The following SCG5 variants were observed in gnomAD, a reference collection of about 807,000 sequenced individuals.
SCG5 encodes neuroendocrine protein 7B2.
Under a neutral mutation model 25.7 loss-of-function variants are expected in SCG5, and 18 were observed. That is an observed-to-expected ratio of 0.70 (90% confidence interval 0.48 to 1.04). The LOEUF (loss-of-function observed/expected upper bound fraction) is 1.04, where lower values mean the gene tolerates loss of function less well. SCG5 is among the 50% of genes least tolerant of loss of function. The pLI, the probability that SCG5 is intolerant of heterozygous loss-of-function variation, is 0.00. For synonymous variants in SCG5, 101 were observed against 91.7 expected (o/e 1.10, Z -0.58); for missense variants, 206 against 259.8 (o/e 0.79, Z 1.42).
chr15:32,665,036 G>T (rs144876279), intron 2 of SCG5, among the ~76,000 whole-genome samples: 1 of 152,192 alleles, frequency 6.6e-6, no homozygotes, highest in South Asian at 2.1e-4. Flanking sequence ...AAATGCAGAT[G>T]TTGAGATGAG....
chr15:32,654,750 T>G (rs2054087859), intron 2 of SCG5, among the ~76,000 whole-genome samples: 1 of 152,164 alleles, frequency 6.6e-6, no homozygotes, highest in Non-Finnish European at 1.5e-5. Flanking sequence ...GCCTCGCTTT[T>G]TGTGTCTGTA....
At chr15:32,645,690 A>C (rs973745478) in intron 2 of SCG5, among the ~76,000 whole-genome samples, 3 of 152,180 alleles carry the variant, frequency 2.0e-5, no homozygotes, top group Non-Finnish European at 4.4e-5. Context: ...ATGGAGGTAC[A>C]ACTATTATGT....
chr15:32,662,236 G>T (rs62001852), intron 2 of SCG5, among the ~76,000 whole-genome samples: 16,089 of 152,140 alleles, frequency 0.11, 940 homozygotes, highest in Middle Eastern at 0.2. Flanking sequence ...GAATAATTGG[G>T]TCAAGCTCTG....
At chr15:32,679,660 C>A in intron 2 of SCG5, 106 bp from the exon 3 acceptor site, 1 of 1,235,304 alleles carries the variant, frequency 8.1e-7, no homozygotes, top group Non-Finnish European at 1.2e-6. Context: ...TTTTTCTCTC[C>A]CCACAGCAGA....
At chr15:32,659,879 TAAA>T (rs61314216) in intron 2 of SCG5, among the ~76,000 whole-genome samples, 1 of 145,708 alleles carries the variant, frequency 6.9e-6, no homozygotes, top group Non-Finnish European at 1.5e-5. Context: ...TGCTTTCCTT[TAAA>T]AAAAAAAAAA....
At chr15:32,656,514 G>A (rs1440133870) in intron 2 of SCG5, among the ~76,000 whole-genome samples, 1 of 152,230 alleles carries the variant, frequency 6.6e-6, no homozygotes, top group African/African-American at 2.4e-5. Context: ...CACCGCTTAA[G>A]CTTTACGAGT....
chr15:32,642,684 C>T (rs772163642), intron 1 of SCG5, among the ~76,000 whole-genome samples: 1 of 151,308 alleles, frequency 6.6e-6, no homozygotes, highest in East Asian at 1.9e-4. Flanking sequence ...ACTTGTTTTG[C>T]AGACATACCC....
intron 2 of SCG5, among the ~76,000 whole-genome samples, chr15:32,652,769 C>T (rs1403125308): frequency 6.6e-6 from 1 of 152,194 alleles, no homozygotes; most frequent in African/African-American, 2.4e-5. Flanking sequence ...CATTTATACA[C>T]CTCACTGATA....
chr15:32,690,032 G>T (rs922288508), intron 4 of SCG5, among the ~76,000 whole-genome samples: 12 of 152,010 alleles, frequency 7.9e-5, no homozygotes, highest in African/African-American at 2.4e-4. Context: ...TAGTAGAGAC[G>T]GGGTTTCACC....
intron 2 of SCG5, chr15:32,669,127 G>A (rs2054373520): frequency 6.6e-6 from 1 of 152,200 alleles, no homozygotes; most frequent in South Asian, 2.1e-4. Flanking sequence ...TCCTACAGGA[G>A]CAGAGTACTA....
intron 2 of SCG5, among the ~76,000 whole-genome samples, chr15:32,657,271 T>TTAAGTTTCC (rs1266078205): frequency 7.4e-6 from 1 of 136,010 alleles, no homozygotes. Flanking sequence ...TCTTTCAATC[T>TTAAGTTTCC]TAAGTTTCCT....
intron 2 of SCG5, among the ~76,000 whole-genome samples, chr15:32,645,070 T>C (rs557249778): frequency 7.2e-5 from 11 of 152,362 alleles, no homozygotes; most frequent in South Asian, 6.2e-4. Context: ...AGCACATGGC[T>C]TGAATTAGAA....
Position 32,643,621 on chromosome 15 carries a change from T to C in SCG5, c.29T>C (p.Leu10Pro). ...GTCTCCAGGATGGTCTCTACCATGCTATCTGGCCTACTGTTTTGGCTGGCA... is the reference window on the plus strand; with the variant it reads ...GTCTCCAGGATGGTCTCTACCATGCCATCTGGCCTACTGTTTTGGCTGGCA... MVSRMVSTM[L>P]SGLLFWLASG... is the part of the protein sequence containing the mutation. Residue 10 changes from leucine to proline, a missense_variant, in exon 2 of 6, where the codon CTA becomes CCA. Leu to Pro is a moderately conservative substitution (Grantham distance 98). Coordinates refer to ENST00000300175, the MANE Select transcript of SCG5 (RefSeq NM_001144757.3). 1 of 1,614,042 alleles carries C rather than the reference T, an allele frequency of 6.2e-7. No individual in the cohort carries two copies. The highest frequency in any genetic ancestry group is 8.5e-7 in the Non-Finnish European group (1 of 1,179,888).
intron 2 of SCG5, among the ~76,000 whole-genome samples, chr15:32,669,638 G>T (rs1595805141): frequency 6.6e-6 from 1 of 152,206 alleles, no homozygotes; most frequent in Non-Finnish European, 1.5e-5. Flanking sequence ...GTTACATGAA[G>T]GAGCTAAAAG....
intron 4 of SCG5, among the ~76,000 whole-genome samples, chr15:32,685,469 T>C (rs1365239945): frequency 6.6e-6 from 1 of 152,182 alleles, no homozygotes; most frequent in Non-Finnish European, 1.5e-5. Flanking sequence ...AAATGGGGCT[T>C]GTTAAAGAGT....
chr15:32,679,638 C>A, intron 2 of SCG5, 128 bp from the exon 3 acceptor site: 1 of 989,676 alleles, frequency 1.0e-6, no homozygotes, highest in Non-Finnish European at 1.5e-6. Flanking sequence ...AGGGCAAGAA[C>A]CATTTCATTT....
intron 2 of SCG5, among the ~76,000 whole-genome samples, chr15:32,653,431 G>A (rs978900967): frequency 1.3e-5 from 2 of 152,228 alleles, no homozygotes; most frequent in Non-Finnish European, 2.9e-5. Flanking sequence ...TTCTATATGG[G>A]TTGGAGCCTG....
intron 4 of SCG5, among the ~76,000 whole-genome samples, chr15:32,691,436 T>A (rs754233952): frequency 6.6e-6 from 1 of 152,224 alleles, no homozygotes; most frequent in Admixed American, 6.5e-5. Flanking sequence ...GCACCCTTCA[T>A]GTTTTAAAAT....
chr15:32,694,780 G>A (rs1251301584), intron 5 of SCG5, among the ~76,000 whole-genome samples: 1 of 152,204 alleles, frequency 6.6e-6, no homozygotes, highest in Non-Finnish European at 1.5e-5. Flanking sequence ...AGAGTGAGTC[G>A]GACCTTTCAC....
Sources: gnomAD v4.1 joint callset for allele counts (sites outside exome capture counted in the v4.1 genomes callset) on GRCh38, gnomAD v4.1.1 for gene constraint, MANE v1.5 for transcripts, NCBI Gene and HGNC (gene_info 2026-07-23, HGNC 2026-07-21) for gene names.